Variants in RAB11FIP4 observed in about 807,000 individuals in gnomAD.
RAB11FIP4 encodes the protein rab11 family-interacting protein 4.
RAB11FIP4 carries 23 observed loss-of-function variants against 74.3 expected under a neutral mutation model. The observed-to-expected ratio is 0.31, with a 90% CI of 0.22 to 0.44. The LOEUF (loss-of-function observed/expected upper bound fraction) is 0.44. RAB11FIP4 is among the 20% of genes least tolerant of loss of function. The pLI is 1.00. For missense variants in RAB11FIP4, 630 were observed against 863.9 expected, an observed-to-expected ratio of 0.73 and a Z score of 3.39; for synonymous variants, 360 against 359.9, an observed-to-expected ratio of 1.00 and a Z score of 0.00.
rs372232803 is a variant in RAB11FIP4 at position 31,517,524 on chromosome 17, C to T, written c.337-127C>T. ...GCCAGGTGTTCCCACGCTTAGGGTT[C>T]GGGATCTGGGCCTCCTGTACCCAAT... On this transcript the variant is annotated intron_variant, in intron 3 of 14. Transcript: ENST00000621161. 62 of 825,168 alleles carry T rather than the reference C, an allele frequency of 7.5e-5. 1 individual carries two copies. The highest frequency in any genetic ancestry group is 4.7e-4 in the South Asian group (28 of 60,168). 51.1% of individuals were successfully genotyped at this position (825,168 alleles called of 1,614,324 possible). A position where few individuals can be genotyped will look rare whatever the true frequency, so the allele number is the denominator to read the frequency against.
intron 3 of RAB11FIP4, among the ~76,000 whole-genome samples, chr17:31,491,582 C>T (rs922192518): frequency 5.9e-5 from 9 of 152,104 alleles, no homozygotes; most frequent in African/African-American, 1.2e-4. Context: ...TGAGGTGGGA[C>T]GGTGGCTGGC....
intron 1 of RAB11FIP4, among the ~76,000 whole-genome samples, chr17:31,412,530 A>C (rs185968419): frequency 1.6e-3 from 240 of 152,316 alleles, no homozygotes; most frequent in African/African-American, 5.3e-3. Flanking sequence ...TGAAGGACTC[A>C]ACCTCTCTGG....
At chr17:31,476,986 C>G (rs2071800146) in intron 3 of RAB11FIP4, among the ~76,000 whole-genome samples, 1 of 152,252 alleles carries the variant, frequency 6.6e-6, no homozygotes. Flanking sequence ...AGGGGATAAA[C>G]TTGGGCAGGC....
At chr17:31,467,844 C>T (rs1251067085) in intron 3 of RAB11FIP4, among the ~76,000 whole-genome samples, 2 of 152,224 alleles carry the variant, frequency 1.3e-5, no homozygotes, top group Non-Finnish European at 2.9e-5. Context: ...GGGGCCCATT[C>T]TAATTAAGGT....
intron 3 of RAB11FIP4, among the ~76,000 whole-genome samples, chr17:31,445,035 A>G (rs956107087): frequency 1.3e-5 from 2 of 152,156 alleles, no homozygotes; most frequent in Non-Finnish European, 2.9e-5. Flanking sequence ...AGCAGGGCCT[A>G]TGGTGCTTCA....
chr17:31,424,124 C>T (rs77014889), intron 1 of RAB11FIP4, among the ~76,000 whole-genome samples: 3,795 of 152,210 alleles, frequency 0.025, 144 homozygotes, highest in African/African-American at 0.087. Context: ...GATTTGGGCT[C>T]CTGAGTCTAG....
At chr17:31,446,154 C>T (rs1372990086) in intron 3 of RAB11FIP4, among the ~76,000 whole-genome samples, 1 of 151,876 alleles carries the variant, frequency 6.6e-6, no homozygotes, top group Non-Finnish European at 1.5e-5. Flanking sequence ...GGTACTGCAA[C>T]TTAAATTTAA....
chr17:31,531,417 T>G (rs1240107379), intron 14 of RAB11FIP4, among the ~76,000 whole-genome samples, 199 bp from the exon 15 acceptor site: 1 of 152,190 alleles, frequency 6.6e-6, no homozygotes, highest in Non-Finnish European at 1.5e-5. Flanking sequence ...GGCACCTGCA[T>G]AGGTAATACT....
In RAB11FIP4 at chr17:31,531,534, C is replaced by T. The variant is rs926967344; in HGVS notation, c.1798-82C>T. On this transcript the variant is annotated intron_variant, in intron 14 of 14. Transcript: ENST00000621161. ...ATGCCCTCTATTGTCAGGCACTGGC[C>T]TGCGACAAGCCTGGGAGTCTGGACT... 90 of 908,674 alleles carry T rather than the reference C, an allele frequency of 9.9e-5. 1 individual carries two copies. The highest frequency in any genetic ancestry group is 1.0e-4 in the Non-Finnish European group (56 of 556,620). The allele number at this position is 908,674 out of a possible 1,614,324, so 56.3% of individuals were successfully genotyped here. A position where few individuals can be genotyped will look rare whatever the true frequency, so the allele number is the denominator to read the frequency against.
At chr17:31,488,164 G>C (rs913842723) in intron 3 of RAB11FIP4, 346 of 1,068,848 alleles carry the variant, frequency 3.2e-4, no homozygotes, top group Non-Finnish European at 3.8e-4. Flanking sequence ...CCTGCGCTTC[G>C]GGGCTGCCCG....
chr17:31,394,222 G>A (rs572946837), intron 1 of RAB11FIP4, among the ~76,000 whole-genome samples: 1 of 152,358 alleles, frequency 6.6e-6, no homozygotes, highest in Admixed American at 6.5e-5. Context: ...TGACACTTCT[G>A]TCAGACCTTT....
chr17:31,498,340 T>C (rs1210941043), intron 3 of RAB11FIP4, among the ~76,000 whole-genome samples: 8 of 152,096 alleles, frequency 5.3e-5, no homozygotes, highest in Admixed American at 5.2e-4. Flanking sequence ...GAAGCTTGGG[T>C]AGCTGGGTCT....
intron 3 of RAB11FIP4, among the ~76,000 whole-genome samples, chr17:31,456,699 A>G (rs2071581973): frequency 6.6e-6 from 1 of 151,970 alleles, no homozygotes; most frequent in South Asian, 2.1e-4. Context: ...TTAATCATTT[A>G]CCTCCTTTTT....
intron 3 of RAB11FIP4, among the ~76,000 whole-genome samples, chr17:31,459,351 T>C (rs950531945): frequency 6.6e-6 from 1 of 152,104 alleles, no homozygotes; most frequent in African/African-American, 2.4e-5. Context: ...CTTATTCTCA[T>C]TTATAAAATG....
chr17:31,511,269 T>C (rs754034636), intron 3 of RAB11FIP4, among the ~76,000 whole-genome samples: 3 of 152,136 alleles, frequency 2.0e-5, no homozygotes, highest in Non-Finnish European at 2.9e-5. Context: ...ACCCCGCGCC[T>C]CCTTTTGCCG....
chr17:31,431,433 G>T, intron 1 of RAB11FIP4: 1 of 200,300 alleles, frequency 5.0e-6, no homozygotes, highest in South Asian at 8.8e-5. Context: ...TAGAACAAGA[G>T]AAATGGTGGG....
chr17:31,450,321 T>TTTATTA (rs67188813), intron 3 of RAB11FIP4, among the ~76,000 whole-genome samples: 27,256 of 137,532 alleles, frequency 0.2, 2,943 homozygotes, highest in Middle Eastern at 0.29. Flanking sequence ...CGCCACCGGC[T>TTTATTA]TTATTATTAT....
At chr17:31,464,603 C>G (rs993296189) in intron 3 of RAB11FIP4, among the ~76,000 whole-genome samples, 1 of 151,996 alleles carries the variant, frequency 6.6e-6, no homozygotes, top group Non-Finnish European at 1.5e-5. Context: ...AGGCGCCCAC[C>G]ACCACACCCA....
intron 3 of RAB11FIP4, among the ~76,000 whole-genome samples, chr17:31,468,013 G>C (rs751672556): frequency 2.0e-5 from 3 of 152,210 alleles, no homozygotes; most frequent in Non-Finnish European, 4.4e-5. Context: ...GAAGGGGAAG[G>C]GGACAGAGAG....
Sources: gnomAD v4.1 joint callset for allele counts (sites outside exome capture counted in the v4.1 genomes callset) on GRCh38, gnomAD v4.1.1 for gene constraint, MANE v1.5 for transcripts, NCBI Gene and HGNC (gene_info 2026-07-23, HGNC 2026-07-21) for gene names.